The following NDST3 variants were observed in gnomAD, a reference collection of about 807,000 sequenced individuals.
NDST3 encodes bifunctional heparan sulfate N-deacetylase/N-sulfotransferase 3.
A neutral mutation model predicts 96.1 loss-of-function variants in NDST3; 58 were observed. The observed-to-expected ratio is 0.60, with a 90% confidence interval of 0.49 to 0.75. NDST3 has a LOEUF of 0.75. NDST3 is among the 30% of genes least tolerant of loss of function. The pLI is 0.00. For missense variants in NDST3, 788 were observed against 1,034.2 expected, an observed-to-expected ratio of 0.76 and a Z score of 3.27; for synonymous variants, 333 against 359.7, an observed-to-expected ratio of 0.93 and a Z score of 0.84.
chr4:118,064,135 G>A (rs752948934), intron 2 of NDST3, among the ~76,000 whole-genome samples: 23 of 152,116 alleles, frequency 1.5e-4, no homozygotes, highest in Non-Finnish European at 2.4e-4. Flanking sequence ...CCCTTCTGGC[G>A]CTCAATCAAT....
At chr4:118,241,579 G>A (rs1405168110) in intron 11 of NDST3, among the ~76,000 whole-genome samples, 1 of 152,168 alleles carries the variant, frequency 6.6e-6, no homozygotes, top group African/African-American at 2.4e-5. Context: ...TCTCCATATG[G>A]ATTATCGAAA....
At chr4:118,134,179 T>C (rs1302149482) in intron 4 of NDST3, among the ~76,000 whole-genome samples, 2 of 152,176 alleles carry the variant, frequency 1.3e-5, no homozygotes, top group Non-Finnish European at 2.9e-5. Flanking sequence ...TATAGGAAGA[T>C]GCTGAGGTAG....
At position 118,051,695 on chromosome 4, in the gene NDST3, TG is replaced by T. The variant is rs376796795; in HGVS notation, c.-155-2060del. ...AAATTATCTCTCTTTGCTGATGATA[TG>T]ATTCTATACCTAGAAAATGCTAAAT... On this transcript the variant is annotated intron_variant, in intron 1 of 13. Coordinates refer to ENST00000296499, the MANE Select transcript of NDST3 (RefSeq NM_004784.3). Among the ~76,000 whole-genome samples, 415 of 152,180 alleles carry T rather than the reference TG, an allele frequency of 2.7e-3. 2 individuals are homozygous for T. Among genetic ancestry groups the T allele is most frequent in the African/African-American group, 9.4e-3 (392 of 41,544 alleles).
At chr4:118,077,970 A>T (rs190337450) in intron 2 of NDST3, among the ~76,000 whole-genome samples, 12 of 151,710 alleles carry the variant, frequency 7.9e-5, no homozygotes, top group Non-Finnish European at 1.6e-4. Context: ...ACAGAAGATC[A>T]CTCCCCTTGG....
At position 118,058,630 on chromosome 4, in the gene NDST3, TGTGTGCGC is replaced by T. The variant is rs1262441711; in HGVS notation, c.981+3741_981+3748del. 3.6e-4 allele frequency among the ~76,000 whole-genome samples: 20 copies of T among 55,578 alleles called. 1 individual carries two copies. The highest frequency in any genetic ancestry group is 6.4e-4 in the African/African-American group (13 of 20,208). 36.5% of individuals were successfully genotyped at this position (55,578 alleles called of 152,430 possible). On this transcript the variant is annotated intron_variant, in intron 2 of 13. Coordinates refer to ENST00000296499, the MANE Select transcript of NDST3 (RefSeq NM_004784.3). ...GTGTGTGTGTGTGTGTGTGTGTGTG[TGTGTGCGC>T]GCGCGCGCACGCATGCATGCAAACG...
chr4:118,048,872 G>C (rs887452308), intron 1 of NDST3, among the ~76,000 whole-genome samples: 1 of 152,042 alleles, frequency 6.6e-6, no homozygotes, highest in Non-Finnish European at 1.5e-5. Flanking sequence ...TGACCAACTA[G>C]ATCTAATAGA....
chr4:118,204,036 T>G (rs1738270166), intron 6 of NDST3, among the ~76,000 whole-genome samples: 1 of 152,198 alleles, frequency 6.6e-6, no homozygotes, highest in African/African-American at 2.4e-5. Flanking sequence ...AATTATCAGA[T>G]TCTGGACCCA....
At chr4:118,220,730 A>C (rs1739483695) in intron 6 of NDST3, among the ~76,000 whole-genome samples, 1 of 152,064 alleles carries the variant, frequency 6.6e-6, no homozygotes, top group Non-Finnish European at 1.5e-5. Context: ...TGTCAGCAGT[A>C]CAGAAGCCCT....
At chr4:118,162,088 G>C (rs578079538) in intron 6 of NDST3, among the ~76,000 whole-genome samples, 10 of 152,258 alleles carry the variant, frequency 6.6e-5, no homozygotes, top group Admixed American at 3.3e-4. Flanking sequence ...CCACTGCTCA[G>C]TGAAATAAAA....
intron 9 of NDST3, among the ~76,000 whole-genome samples, chr4:118,236,692 T>A (rs755209745): frequency 1.3e-5 from 2 of 152,236 alleles, no homozygotes; most frequent in Non-Finnish European, 2.9e-5. Flanking sequence ...TACGATTTTC[T>A]TTTTGAGTAC....
chr4:118,052,836 AT>A (rs938565474), intron 1 of NDST3, among the ~76,000 whole-genome samples: 3 of 152,026 alleles, frequency 2.0e-5, no homozygotes, highest in African/African-American at 7.2e-5. Flanking sequence ...CTTTCTTATT[AT>A]TTTTCAAAGT....
intron 12 of NDST3, among the ~76,000 whole-genome samples, chr4:118,252,775 T>A (rs1741831797): frequency 6.6e-6 from 1 of 152,010 alleles, no homozygotes; most frequent in African/African-American, 2.4e-5. Context: ...CCTGTAATTC[T>A]AGCTACTCGG....
At chr4:118,108,688 A>G (rs1463919425) in intron 3 of NDST3, among the ~76,000 whole-genome samples, 1 of 152,286 alleles carries the variant, frequency 6.6e-6, no homozygotes, top group East Asian at 1.9e-4. Context: ...AGACTTGACT[A>G]TAGTATTTTC....
At chr4:118,131,536 T>C (rs918086583) in intron 4 of NDST3, among the ~76,000 whole-genome samples, 47 of 152,122 alleles carry the variant, frequency 3.1e-4, no homozygotes, top group Admixed American at 7.2e-4. Context: ...TTCCTCAAAA[T>C]GGCCATTTTG....
chr4:118,171,986 C>T (rs776340443), intron 6 of NDST3, among the ~76,000 whole-genome samples: 8 of 152,130 alleles, frequency 5.3e-5, no homozygotes, highest in African/African-American at 1.9e-4. Flanking sequence ...TCCATGTCCC[C>T]TTCTGTAAAA....
intron 1 of NDST3, among the ~76,000 whole-genome samples, chr4:118,047,969 A>ATT (rs1724865479): frequency 6.6e-6 from 1 of 152,202 alleles, no homozygotes; most frequent in Non-Finnish European, 1.5e-5. Flanking sequence ...TCTTAAAGGC[A>ATT]GCTAGAGAGA....
intron 4 of NDST3, among the ~76,000 whole-genome samples, chr4:118,124,943 A>G (rs1731920309): frequency 6.6e-6 from 1 of 152,090 alleles, no homozygotes; most frequent in African/African-American, 2.4e-5. Context: ...TTCTGGATCC[A>G]TAGGAATATC....
chr4:118,077,643 G>A (rs7671173), intron 2 of NDST3, among the ~76,000 whole-genome samples: 34,901 of 152,094 alleles, frequency 0.23, 4,229 homozygotes, highest in African/African-American at 0.28. Context: ...CTGGCCCTTC[G>A]GAGGGAGGTA....
At chr4:118,164,291 G>A (rs193166390) in intron 6 of NDST3, among the ~76,000 whole-genome samples, 40 of 152,280 alleles carry the variant, frequency 2.6e-4, no homozygotes, top group Non-Finnish European at 4.4e-4. Flanking sequence ...ACTAAATGAT[G>A]AGAACACATG....
Sources: gnomAD v4.1 joint callset for allele counts (sites outside exome capture counted in the v4.1 genomes callset) on GRCh38, gnomAD v4.1.1 for gene constraint, MANE v1.5 for transcripts, NCBI Gene and HGNC (gene_info 2026-07-23, HGNC 2026-07-21) for gene names.